Variants in HSPH1 observed in about 807,000 individuals in gnomAD.
HSPH1 encodes the protein heat shock protein 105 kDa.
Under a neutral mutation model 100.0 loss-of-function variants are expected in HSPH1, and 40 were observed. The ratio of observed to expected loss-of-function variants is 0.40; its 90% CI spans 0.31 to 0.52. The LOEUF (loss-of-function observed/expected upper bound fraction) is 0.52. Among genes scored for constraint, HSPH1 ranks in the 20% least tolerant of loss-of-function variants. The pLI is 0.54. For missense variants in HSPH1, 876 were observed against 1,015.1 expected, an observed-to-expected ratio of 0.86 and a Z score of 1.86; for synonymous variants, 403 against 344.0, an observed-to-expected ratio of 1.17 and a Z score of -1.90.
At chr13:31,160,614 T>C (rs1488553387) in intron 1 of HSPH1, among the ~76,000 whole-genome samples, 3 of 152,214 alleles carry the variant, frequency 2.0e-5, no homozygotes, top group African/African-American at 7.2e-5. Context: ...CTTTTTAAAA[T>C]GTTGCCCTTT....
chr13:31,150,960 C>G lies in HSPH1; in HGVS notation c.895G>C (p.Gly299Arg). The G allele has an allele frequency of 6.2e-7, 1 of 1,609,678 alleles. No homozygotes were observed. The highest frequency in any genetic ancestry group is 8.5e-7 in the Non-Finnish European group (1 of 1,178,170). ...TTCAAGACACACCTGTTCATCTTTC[C>G]GGAAACATCTTTATCATTCATAAAG... ...ECFMNDKDVS[G>R]KMNRSQFEEL... Residue 299 changes from glycine to arginine, a missense_variant, in exon 7 of 18, where the codon GGA becomes CGA. Transcript: ENST00000320027.
chr13:31,140,348 T>C, intron 13 of HSPH1, 39 bp from the exon 14 acceptor site: 1 of 1,587,308 alleles, frequency 6.3e-7, no homozygotes, highest in East Asian at 2.2e-5. Context: ...AGTCTTCTAG[T>C]TAACTCAAGC....
At position 31,137,491 on chromosome 13, in the gene HSPH1, G is replaced by C. The variant is rs1423933299; in HGVS notation, c.2404C>G (p.Gln802Glu). ...GGTGATTCAATTTTTGGTTTCGGTT[G>C]TGTTACAACGGGTTCACATGTGTTG... ...LNNTCEPVVT[Q>E]PKPKIESPKL... The change falls in exon 18 of 18, where the codon CAA (glutamine) becomes GAA (glutamate). Residue 802 changes from glutamine to glutamate, a missense_variant. Gln to Glu is a conservative substitution (Grantham distance 29). Coordinates refer to ENST00000320027, the MANE Select transcript of HSPH1 (RefSeq NM_006644.4). The C allele has an allele frequency of 2.5e-6, 4 of 1,613,562 alleles. No individual in the cohort carries two copies. The highest frequency in any genetic ancestry group is 2.5e-6 in the Non-Finnish European group (3 of 1,179,688).
intron 9 of HSPH1, 28 bp downstream of exon 9, chr13:31,148,346 T>C: frequency 7.7e-7 from 1 of 1,299,784 alleles, no homozygotes; most frequent in African/African-American, 1.5e-5. Flanking sequence ...TACATTATAG[T>C]ATCTGAATGT....
At chr13:31,154,605 A>C (rs929256362) in intron 4 of HSPH1, 28 bp downstream of exon 4, 3 of 1,613,558 alleles carry the variant, frequency 1.9e-6, no homozygotes, top group Non-Finnish European at 2.5e-6. Context: ...ATGAAATAAA[A>C]CACACTGCCT....
upstream of HSPH1, chr13:31,162,004 A>G: frequency 6.5e-6 from 10 of 1,536,048 alleles, no homozygotes; most frequent in South Asian, 1.2e-5. Context: ...CGGCCCCTCC[A>G]CGTGCCACTT....
intron 11 of HSPH1, among the ~76,000 whole-genome samples, chr13:31,145,272 T>C (rs1237874839): frequency 1.3e-5 from 2 of 152,192 alleles, no homozygotes; most frequent in Non-Finnish European, 2.9e-5. Flanking sequence ...GACTTCTCAA[T>C]GTGTGGTCTA....
intron 17 of HSPH1, 137 bp from the exon 18 acceptor site, chr13:31,137,661 C>A (rs751968461): frequency 3.0e-6 from 2 of 665,528 alleles, no homozygotes; most frequent in Non-Finnish European, 5.1e-6. Flanking sequence ...TCTCATTACA[C>A]TTGCCCCAAA....
At chr13:31,160,008 G>A (rs1041619820) in intron 1 of HSPH1, among the ~76,000 whole-genome samples, 1 of 152,074 alleles carries the variant, frequency 6.6e-6, no homozygotes, top group Non-Finnish European at 1.5e-5. Flanking sequence ...TGATACAATA[G>A]AATCCACCAC....
chr13:31,143,927 A>G lies in HSPH1; in HGVS notation c.1585-4T>C. 6.3e-7 allele frequency: 1 copy of G among 1,587,424 alleles called. No individual in the cohort carries two copies. Among genetic ancestry groups the G allele is most frequent in the South Asian group, 1.2e-5 (1 of 86,816 alleles). On this transcript the variant is annotated splice_region_variant and splice_polypyrimidine_tract_variant and intron_variant, in intron 11 of 17. Transcript: ENST00000320027. ...TGTTGTCTTGCTGGACATTTTTCTG[A>G]AATGAAAGCCCAGGCACAAAGGATG...
rs918446507 is a variant in HSPH1 at position 31,138,992 on chromosome 13, C to T, written c.2088+8G>A. ...AAGTACCACCTTTTGGGGGAGAAAA[C>T]GACCTACCATTAATTCTTCCAACTT... On this transcript the variant is annotated splice_region_variant and intron_variant, in intron 15 of 17. Transcript: ENST00000320027. The T allele has an allele frequency of 3.1e-6, 5 of 1,602,940 alleles. No homozygotes were observed. The highest frequency in any genetic ancestry group is 1.7e-5 in the Admixed American group (1 of 59,816).
Position 31,148,458 on chromosome 13 carries a change from A to G in HSPH1, c.1160T>C (p.Phe387Ser). The change falls in exon 9 of 18, where the codon TTT (phenylalanine) becomes TCT (serine). Residue 387 changes from phenylalanine (F) to serine (S), a missense_variant. Coordinates refer to ENST00000320027, the MANE Select transcript of HSPH1 (RefSeq NM_006644.4). ...ALQCAILSPA[F>S]KVREFSVTDA... is the part of the protein sequence containing the mutation. The stretch of plus-strand genomic sequence containing the variant: ...TGTGACGGAAAATTCTCTAACTTTA[A>G]ATGCCGGGGAAAGTATTGCACACTT... The G allele has an allele frequency of 1.3e-6, 2 of 1,555,832 alleles. No homozygotes were observed. The highest frequency in any genetic ancestry group is 8.7e-7 in the Non-Finnish European group (1 of 1,152,772).
intron 12 of HSPH1, among the ~76,000 whole-genome samples, chr13:31,143,441 G>C (rs1956167728): frequency 6.6e-6 from 1 of 152,112 alleles, no homozygotes; most frequent in African/African-American, 2.4e-5. Context: ...ATTAGTTCAA[G>C]TGAAAACTAA....
chr13:31,154,482 C>CT, intron 4 of HSPH1, 151 bp downstream of exon 4: 1 of 878,872 alleles, frequency 1.1e-6, no homozygotes, highest in Non-Finnish European at 1.8e-6. Context: ...CTCAAATCTA[C>CT]TTTGTAATGC....
chr13:31,138,294 A>G, intron 17 of HSPH1, 113 bp downstream of exon 17: 1 of 953,286 alleles, frequency 1.0e-6, no homozygotes. Flanking sequence ...AGCTGGTTTC[A>G]GTTAGGATGA....
At chr13:31,140,380 C>T (rs2137542347) in intron 13 of HSPH1, 71 bp from the exon 14 acceptor site, 1 of 1,436,182 alleles carries the variant, frequency 7.0e-7, no homozygotes, top group Admixed American at 2.1e-5. Flanking sequence ...TATGTAGACT[C>T]TGGGGTTTAA....
chr13:31,157,766 A>G (rs1024277837), intron 2 of HSPH1, among the ~76,000 whole-genome samples: 1 of 152,326 alleles, frequency 6.6e-6, no homozygotes, highest in Non-Finnish European at 1.5e-5. Flanking sequence ...CAACAGAATT[A>G]TATGTAAGTC....
intron 2 of HSPH1, among the ~76,000 whole-genome samples, 191 bp from the exon 3 acceptor site, chr13:31,155,845 T>C (rs1383477964): frequency 6.6e-6 from 1 of 152,168 alleles, no homozygotes; most frequent in Non-Finnish European, 1.5e-5. Context: ...TTCCTTCTCC[T>C]ATAGAAAATG....
intron 12 of HSPH1, among the ~76,000 whole-genome samples, chr13:31,143,270 T>C (rs1470121516): frequency 6.6e-6 from 1 of 152,142 alleles, no homozygotes; most frequent in East Asian, 1.9e-4. Context: ...ACTATTTAAG[T>C]TAGCTTCCAA....
Sources: gnomAD v4.1 joint callset for allele counts (sites outside exome capture counted in the v4.1 genomes callset) on GRCh38, gnomAD v4.1.1 for gene constraint, MANE v1.5 for transcripts, NCBI Gene and HGNC (gene_info 2026-07-23, HGNC 2026-07-21) for gene names.